The following ERO1B variants were observed in gnomAD, a reference collection of about 807,000 sequenced individuals.
ERO1B encodes the protein ERO1-like protein beta.
ERO1B carries 49 observed loss-of-function variants against 75.3 expected under a neutral mutation model. The ratio of observed to expected loss-of-function variants is 0.65; its 90% CI spans 0.52 to 0.83. The LOEUF (loss-of-function observed/expected upper bound fraction) is 0.83, where lower values mean the gene tolerates loss of function less well. Among genes scored for constraint, ERO1B ranks in the 40% least tolerant of loss-of-function variants. The pLI, the probability that ERO1B is intolerant of heterozygous loss-of-function variation, is 0.00. For missense variants in ERO1B, 512 were observed against 560.1 expected (o/e 0.91, Z 0.87); for synonymous variants, 191 against 192.9 (o/e 0.99, Z 0.08).
intron 1 of ERO1B, among the ~76,000 whole-genome samples, chr1:236,271,361 G>C (rs914984746): frequency 6.6e-6 from 1 of 152,052 alleles, no homozygotes; most frequent in Admixed American, 6.6e-5. Context: ...TGTGTCCCCA[G>C]ACTCCCTTCA....
In ERO1B at chr1:236,253,439, C is replaced by A; in HGVS notation, c.289G>T (p.Val97Leu). 1 of 1,608,824 alleles carries A rather than the reference C, an allele frequency of 6.2e-7. No homozygotes were observed. The highest frequency in any genetic ancestry group is 8.5e-7 in the Non-Finnish European group (1 of 1,176,446). Residue 97 changes from valine (V) to leucine (L), a missense_variant, in exon 3 of 16, where the codon GTG (valine) becomes TTG (leucine). Val to Leu is a conservative substitution (Grantham distance 32). Transcript: ENST00000354619. ...DGHCSIKDCH[V>L]EPCPESKIPV... ...TATTATACCTCTGGACAGGGCTCCA[C>A]ATGACAGTCTTTTATTGAACAGTGG...
At chr1:236,271,895 T>A (rs1353903403) in intron 1 of ERO1B, among the ~76,000 whole-genome samples, 2 of 152,156 alleles carry the variant, frequency 1.3e-5, no homozygotes, top group East Asian at 3.8e-4. Flanking sequence ...AGCACCATAT[T>A]TTACTTCTTT....
intron 2 of ERO1B, among the ~76,000 whole-genome samples, chr1:236,268,295 C>T (rs1205730840): frequency 1.3e-5 from 2 of 152,054 alleles, no homozygotes; most frequent in African/African-American, 4.8e-5. Context: ...CAAAAATTAG[C>T]CAGGCGTGGT....
In ERO1B at chr1:236,215,944, A is replaced by G. The variant is rs750244223; in HGVS notation, c.*2572T>C. 9 of 149,680 alleles carry G rather than the reference A, an allele frequency of 6.0e-5. No homozygotes were observed. Among genetic ancestry groups the G allele is most frequent in the Non-Finnish European group, 1.3e-4 (9 of 67,840 alleles). 9.3% of individuals were successfully genotyped at this position (149,680 alleles called of 1,614,324 possible). ...CATACAGAGATTACAAATATCGAAT[A>G]ATTCACAATGTTAAAAATGTCAAAA... On this transcript the variant is annotated 3_prime_UTR_variant, in exon 16 of 16. Coordinates refer to ENST00000354619, the MANE Select transcript of ERO1B (RefSeq NM_019891.4).
chr1:236,247,256 T>G (rs1204788772), intron 5 of ERO1B, among the ~76,000 whole-genome samples: 2 of 152,190 alleles, frequency 1.3e-5, no homozygotes, highest in Non-Finnish European at 2.9e-5. Context: ...CAAGTGGATG[T>G]CTCACAGGCA....
rs1454288252 is a variant in ERO1B at position 236,232,822 on chromosome 1, G to A, written c.685+6C>T. On this transcript the variant is annotated splice_donor_region_variant and intron_variant, in intron 9 of 15. Transcript: ENST00000354619. ...CTTGAAACAAACAAACATGAGTTTT[G>A]CTCACCATCATCTTCGCCTAAAAGA... 1.3e-6 allele frequency: 2 copies of A among 1,593,846 alleles called. No individual in the cohort carries two copies. The highest frequency in any genetic ancestry group is 4.6e-5 in the East Asian group (2 of 43,780).
intron 1 of ERO1B, among the ~76,000 whole-genome samples, chr1:236,270,817 G>C (rs950906061): frequency 1.3e-5 from 2 of 152,136 alleles, no homozygotes; most frequent in Middle Eastern, 3.2e-3. Flanking sequence ...TTTAGAAATG[G>C]AAAGCATATC....
At position 236,237,116 on chromosome 1, in the gene ERO1B, C is replaced by CTTT. The variant is rs67072171; in HGVS notation, c.506-721_506-719dup. Among the ~76,000 whole-genome samples the CTTT allele has an allele frequency of 4.2e-3, 440 of 105,438 alleles. 4 individuals carry two copies. The highest frequency in any genetic ancestry group is 8.1e-3 in the Middle Eastern group (1 of 124). 69.2% of individuals were successfully genotyped at this position (105,438 alleles called of 152,430 possible). A position where few individuals can be genotyped will look rare whatever the true frequency, so the allele number is the denominator to read the frequency against. On this transcript the variant is annotated intron_variant, in intron 6 of 15. Coordinates refer to ENST00000354619, the MANE Select transcript of ERO1B (RefSeq NM_019891.4). ...TTTACCCCGATCTCCACTATTTGGACTTTTTTTTTTTTTTTTTTTTTGAGA... is the reference window on the plus strand; with the variant it reads ...TTTACCCCGATCTCCACTATTTGGACTTTTTTTTTTTTTTTTTTTTTTTTGAGA...
At position 236,256,832 on chromosome 1, in the gene ERO1B, C is replaced by A. The variant is rs12144413; in HGVS notation, c.223-3327G>T. Among the ~76,000 whole-genome samples, 1,166 of 152,292 alleles carry A rather than the reference C, an allele frequency of 7.7e-3. 6 individuals are homozygous for A. The highest frequency in any genetic ancestry group is 0.012 in the Non-Finnish European group (805 of 68,006). ...AGCTCTGGGAGTTGATGAAGCCCTACACTCCTGAGTCTCCTAGACCACAGA... is the reference window on the plus strand; with the variant it reads ...AGCTCTGGGAGTTGATGAAGCCCTAAACTCCTGAGTCTCCTAGACCACAGA... On this transcript the variant is annotated intron_variant, in intron 2 of 15. Transcript: ENST00000354619.
At chr1:236,251,899 G>T in intron 4 of ERO1B, 151 bp downstream of exon 4, 1 of 586,756 alleles carries the variant, frequency 1.7e-6, no homozygotes, top group Non-Finnish European at 3.0e-6. Context: ...CTATCTGCTT[G>T]ACGCAAGAGT....
intron 1 of ERO1B, 78 bp downstream of exon 1, chr1:236,281,604 G>GGCCCTGCCCGGCCCTCCC: frequency 9.3e-7 from 1 of 1,070,386 alleles, no homozygotes; most frequent in Non-Finnish European, 1.2e-6. Flanking sequence ...GGCCCTCCCC[G>GGCCCTGCCCGGCCCTCCC]CGTCACAGCC....
intron 12 of ERO1B, 141 bp downstream of exon 12, chr1:236,226,128 T>C (rs1664271664): frequency 1.5e-5 from 12 of 797,546 alleles, no homozygotes; most frequent in Non-Finnish European, 2.1e-5. Context: ...TTTTAAATTC[T>C]GTTGTTCTAT....
At chr1:236,230,830 G>A (rs1464265281) in intron 9 of ERO1B, among the ~76,000 whole-genome samples, 1 of 151,830 alleles carries the variant, frequency 6.6e-6, no homozygotes, top group Non-Finnish European at 1.5e-5. Flanking sequence ...ACAGTGGCTT[G>A]GACCTGTAGC....
intron 4 of ERO1B, among the ~76,000 whole-genome samples, chr1:236,251,744 T>C (rs916104971): frequency 2.0e-5 from 3 of 152,172 alleles, no homozygotes; most frequent in Non-Finnish European, 2.9e-5. Flanking sequence ...CCAGGCTAAC[T>C]AGTTGAAACA....
intron 2 of ERO1B, among the ~76,000 whole-genome samples, chr1:236,269,584 G>A (rs1472836526): frequency 2.0e-5 from 3 of 152,298 alleles, no homozygotes; most frequent in South Asian, 2.1e-4. Context: ...GCAGAACTAT[G>A]TTATAAGAGA....
In ERO1B at chr1:236,252,076, C is replaced by T; in HGVS notation, c.322G>A (p.Gly108Arg). ...EPCPESKIPV[G>R]IKAGHSNKYL... ...TTATTAGAATGCCCAGCTTTTATTC[C>T]AACCGGAATTTTACTCTTAAAAAAA... The change falls in exon 4 of 16, where the codon GGA (glycine) becomes AGA (arginine). Residue 108 changes from glycine (G) to arginine (R), a missense_variant. Transcript: ENST00000354619. The T allele has an allele frequency of 3.7e-6, 6 of 1,600,398 alleles. No homozygotes were observed. The highest frequency in any genetic ancestry group is 5.1e-6 in the Non-Finnish European group (6 of 1,171,076).
intron 1 of ERO1B, among the ~76,000 whole-genome samples, chr1:236,279,682 C>CAA: frequency 7.3e-6 from 1 of 136,470 alleles, no homozygotes; most frequent in Non-Finnish European, 1.6e-5. Context: ...AAAAAAAAAA[C>CAA]ACACACACAA....
chr1:236,239,857 A>ATATATG (rs771310245), intron 6 of ERO1B, among the ~76,000 whole-genome samples: 8 of 39,734 alleles, frequency 2.0e-4, no homozygotes, highest in East Asian at 6.6e-4. Context: ...ATGTGTATAT[A>ATATATG]TGTATATATA....
intron 2 of ERO1B, among the ~76,000 whole-genome samples, chr1:236,256,621 T>G (rs1190694987): frequency 6.6e-6 from 1 of 152,102 alleles, no homozygotes; most frequent in African/African-American, 2.4e-5. Flanking sequence ...AGATCAGAAG[T>G]CTCCCCCTGC....
Sources: gnomAD v4.1 joint callset for allele counts (sites outside exome capture counted in the v4.1 genomes callset) on GRCh38, gnomAD v4.1.1 for gene constraint, MANE v1.5 for transcripts, NCBI Gene and HGNC (gene_info 2026-07-23, HGNC 2026-07-21) for gene names.